MFHAS1: variants seen among roughly 807,000 people sequenced by gnomAD.
MFHAS1 encodes malignant fibrous histiocytoma-amplified sequence 1.
In MFHAS1, 50 loss-of-function variants were observed where a neutral mutation model predicts 70.4. The ratio of observed to expected loss-of-function variants is 0.71; its 90% CI spans 0.57 to 0.90. The LOEUF is 0.90. Among genes scored for constraint, MFHAS1 ranks in the 40% least tolerant of loss-of-function variants. The probability of loss-of-function intolerance (pLI) is 0.00; values close to 1 mark genes in which losing one functional copy is unlikely to be tolerated. For synonymous variants in MFHAS1, 952 were observed against 620.0 expected (o/e 1.54, Z -7.96); for missense variants, 1,795 against 1,347.6 (o/e 1.33, Z -5.20).
At chr8:8,820,966 A>G (rs1240363358) in intron 1 of MFHAS1, among the ~76,000 whole-genome samples, 1 of 152,252 alleles carries the variant, frequency 6.6e-6, no homozygotes, top group Non-Finnish European at 1.5e-5. Context: ...AAGACCTGGC[A>G]ATGCTTCTAA....
chr8:8,829,212 C>T (rs1563193199), intron 1 of MFHAS1, among the ~76,000 whole-genome samples: 1 of 152,228 alleles, frequency 6.6e-6, no homozygotes, highest in Non-Finnish European at 1.5e-5. Flanking sequence ...AGAACCCCTT[C>T]CCCATCCTGA....
intron 1 of MFHAS1, among the ~76,000 whole-genome samples, chr8:8,818,586 A>C (rs1226114467): frequency 6.6e-6 from 1 of 152,214 alleles, no homozygotes; most frequent in Non-Finnish European, 1.5e-5. Context: ...TAAATGCCAA[A>C]TATGGACCTT....
chr8:8,837,601 C>A (rs1807645179), intron 1 of MFHAS1, among the ~76,000 whole-genome samples: 1 of 152,044 alleles, frequency 6.6e-6, no homozygotes, highest in Non-Finnish European at 1.5e-5. Context: ...CAAGATCGCG[C>A]CACTGCACTC....
chr8:8,860,909 C>A (rs1306205918), intron 1 of MFHAS1, among the ~76,000 whole-genome samples: 1 of 152,108 alleles, frequency 6.6e-6, no homozygotes, highest in Admixed American at 6.6e-5. Context: ...GTATACAAAC[C>A]CACAACCACT....
chr8:8,876,628 C>G (rs926223980), intron 1 of MFHAS1, among the ~76,000 whole-genome samples: 1 of 151,862 alleles, frequency 6.6e-6, no homozygotes, highest in African/African-American at 2.4e-5. Flanking sequence ...CCTCCCGCCT[C>G]GGCCTCCCAA....
intron 1 of MFHAS1, among the ~76,000 whole-genome samples, chr8:8,824,619 G>A (rs1807089150): frequency 6.6e-6 from 1 of 151,338 alleles, no homozygotes; most frequent in East Asian, 1.9e-4. Flanking sequence ...ATATCTATAA[G>A]AAGGTCACTC....
In MFHAS1 at chr8:8,830,871, A is replaced by G. The variant is rs141532591; in HGVS notation, c.2999-33380T>C. Among the ~76,000 whole-genome samples, 350 of 152,306 alleles carry G rather than the reference A, an allele frequency of 2.3e-3. 2 individuals are homozygous for G. Among genetic ancestry groups the G allele is most frequent in the African/African-American group, 7.8e-3 (326 of 41,578 alleles). ...CTCGGCCTCCCAAAGTGCTGGGATT[A>G]CAGGCATGAGCCACCGTGCCCAGCC... On this transcript the variant is annotated intron_variant, in intron 1 of 2. Transcript: ENST00000276282.
At chr8:8,849,895 C>T (rs1808178706) in intron 1 of MFHAS1, among the ~76,000 whole-genome samples, 1 of 152,192 alleles carries the variant, frequency 6.6e-6, no homozygotes, top group South Asian at 2.1e-4. Context: ...AATGTACTTT[C>T]CTTTAAATAT....
chr8:8,843,255 G>C (rs539552300), intron 1 of MFHAS1, among the ~76,000 whole-genome samples: 2 of 142,140 alleles, frequency 1.4e-5, no homozygotes, highest in South Asian at 2.2e-4. Flanking sequence ...CCGCCTGGGC[G>C]ACAGAGCGAG....
At chr8:8,858,518 G>A (rs1416842083) in intron 1 of MFHAS1, among the ~76,000 whole-genome samples, 1 of 152,102 alleles carries the variant, frequency 6.6e-6, no homozygotes, top group African/African-American at 2.4e-5. Context: ...CTATGTTACT[G>A]AAAACGATTA....
chr8:8,885,141 T>C (rs544465295), intron 1 of MFHAS1, among the ~76,000 whole-genome samples: 10 of 152,080 alleles, frequency 6.6e-5, no homozygotes, highest in Non-Finnish European at 1.3e-4. Flanking sequence ...ATATGCTGTG[T>C]TGTCGGAGAG....
chr8:8,854,331 C>T (rs1808351877), intron 1 of MFHAS1, among the ~76,000 whole-genome samples: 1 of 152,136 alleles, frequency 6.6e-6, no homozygotes, highest in South Asian at 2.1e-4. Context: ...ACCATCCTGG[C>T]TAACACAGTG....
At chr8:8,845,850 G>C (rs1585048413) in intron 1 of MFHAS1, among the ~76,000 whole-genome samples, 1 of 152,084 alleles carries the variant, frequency 6.6e-6, no homozygotes, top group East Asian at 1.9e-4. Context: ...TCAATAAATA[G>C]CAACTCCATC....
rs572278249 is a variant in MFHAS1, at chr8:8,840,736, A to G, written c.2999-43245T>C. On this transcript the variant is annotated intron_variant, in intron 1 of 2. Transcript: ENST00000276282. ...TGGTTCTTAGAATCCCTGTCCCCCT[A>G]AATCTCACACCTCACTACACTTCTA... Among the ~76,000 whole-genome samples, 3 of 152,250 alleles carry G rather than the reference A, an allele frequency of 2.0e-5. No homozygotes were observed. The East Asian group carries it at 5.8e-4, about 29-fold the overall frequency.
In MFHAS1 at chr8:8,891,966, A is replaced by C. The variant is rs1195123224; in HGVS notation, c.1093T>G (p.Ser365Ala). 2 of 1,612,364 alleles carry C rather than the reference A, an allele frequency of 1.2e-6. No homozygotes were observed. The highest frequency in any genetic ancestry group is 1.7e-6 in the Non-Finnish European group (2 of 1,179,302). ...TTGATCTTCCACAAACCCACCCGGG[A>C]GAGCTGGCCAAAGTGGTCGGGCAGC... The part of the protein sequence containing the change: ...AVLPDHFGQL[S>A]RVGLWKIKDN... The change falls in exon 1 of 3, where the codon TCC becomes GCC. Residue 365 changes from serine (S) to alanine (A), a missense_variant. By Grantham distance (99) the Ser-to-Ala change is moderately conservative (BLOSUM62 1). Coordinates refer to ENST00000276282, the MANE Select transcript of MFHAS1 (RefSeq NM_004225.3). This position sits in a 1 kb window ranked among gnomAD's most constrained non-coding sequence, Gnocchi z 5.4.
At chr8:8,881,799 G>A (rs1314835997) in intron 1 of MFHAS1, among the ~76,000 whole-genome samples, 1 of 144,014 alleles carries the variant, frequency 6.9e-6, no homozygotes, top group East Asian at 2.1e-4. Context: ...CCTGGTGACA[G>A]AGTAAGACTC....
At chr8:8,878,110 C>T (rs10099168) in intron 1 of MFHAS1, among the ~76,000 whole-genome samples, 1,667 of 152,284 alleles carry the variant, frequency 0.011, 42 homozygotes, top group South Asian at 0.055. Context: ...GCTCTCCCCA[C>T]CTTACCTCCA....
At chr8:8,812,051 T>C (rs1009452242) in intron 1 of MFHAS1, among the ~76,000 whole-genome samples, 1 of 152,240 alleles carries the variant, frequency 6.6e-6, no homozygotes, top group African/African-American at 2.4e-5. Context: ...ACCAGATTAC[T>C]GGATCTTTTT....
At chr8:8,798,745 A>C (rs984587270) in intron 1 of MFHAS1, among the ~76,000 whole-genome samples, 102 of 152,156 alleles carry the variant, frequency 6.7e-4, no homozygotes, top group African/African-American at 2.3e-3. Context: ...TCTACTGCTG[A>C]CTTGAAATTC....
Sources: allele counts gnomAD v4.1 joint callset (sites outside exome capture counted in the v4.1 genomes callset), GRCh38; gene constraint gnomAD v4.1.1; non-coding constraint Gnocchi (gnomAD v3.1); transcripts MANE v1.5; gene names NCBI Gene and HGNC (gene_info 2026-07-23, HGNC 2026-07-21).